The following ELFN1 variants were observed in gnomAD, a reference collection of about 807,000 sequenced individuals.
ELFN1 encodes protein ELFN1.
Under a neutral mutation model 7.6 loss-of-function variants are expected in ELFN1, and 6 were observed. The ratio of observed to expected loss-of-function variants is 0.79; its 90% CI spans 0.43 to 1.56. The LOEUF is 1.56. ELFN1 is among the 40% of genes most tolerant of loss of function. The pLI is 0.01. For synonymous variants in ELFN1, 657 were observed against 588.1 expected (o/e 1.12, Z -1.70); for missense variants, 1,169 against 1,232.2 (o/e 0.95, Z 0.77).
At chr7:1,743,492 C>T (rs1414002140) in intron 3 of ELFN1, among the ~76,000 whole-genome samples, 1 of 152,214 alleles carries the variant, frequency 6.6e-6, no homozygotes, top group Admixed American at 6.5e-5. Context: ...GCAGACAGTG[C>T]CAAGTCCCAG....
intron 3 of ELFN1, among the ~76,000 whole-genome samples, chr7:1,722,060 C>T (rs934663845): frequency 6.6e-6 from 1 of 152,104 alleles, no homozygotes; most frequent in African/African-American, 2.4e-5. Context: ...GTCAGGGGCC[C>T]GGGTGGCCCA....
chr7:1,741,273 G>A (rs879631157), intron 3 of ELFN1, among the ~76,000 whole-genome samples: 2 of 152,206 alleles, frequency 1.3e-5, no homozygotes, highest in South Asian at 2.1e-4. Flanking sequence ...CTGGGAAGTC[G>A]TGCCCACACG....
Position 1,746,385 on chromosome 7 carries a change from C to T in ELFN1, c.1789C>T (p.Pro597Ser). ...GGGGCCCGTGTCCGTCGCGGAGCCG[C>T]CGCTGGTGCTGCTGTCCGAGCCGCT... ...KSGPVSVAEPPLVLLSEPLAA... is the reference protein window; with the variant it reads ...KSGPVSVAEPSLVLLSEPLAA... Residue 597 changes from proline (P) to serine (S), a missense_variant, in exon 4 of 4, where the codon CCG becomes TCG. This residue lies in a region of ELFN1 where 914 missense variants were observed against 872.6 expected (regional missense o/e 1.05). Coordinates refer to ENST00000424383, the MANE Select transcript of ELFN1 (RefSeq NM_001128636.4). 1.3e-6 allele frequency: 2 copies of T among 1,536,518 alleles called. No individual in the cohort carries two copies. The highest frequency in any genetic ancestry group is 1.8e-6 in the Non-Finnish European group (2 of 1,142,170).
In ELFN1 at chr7:1,745,375, T is replaced by C. The variant is rs1352677654; in HGVS notation, c.779T>C (p.Val260Ala). The change falls in exon 4 of 4, where the codon GTC becomes GCC. Residue 260 changes from valine (V) to alanine (A), a missense_variant. Val to Ala is a moderately conservative substitution (Grantham distance 64). Around this residue, in one of 2 missense-constraint regions of ELFN1, gnomAD observed 914 missense variants for 872.6 expected, o/e 1.05. Coordinates refer to ENST00000424383, the MANE Select transcript of ELFN1 (RefSeq NM_001128636.4). ...GAGGACTCGTACGCGGCTGAGGTGG[T>C]CGGGCCCCCACGTCCAGCATCCGGG... Reference protein sequence around the residue: ...CTEDSYAAEVVGPPRPASGRS... With the variant: ...CTEDSYAAEVAGPPRPASGRS... The C allele has an allele frequency of 5.2e-6, 8 of 1,538,874 alleles. No individual in the cohort carries two copies. Among genetic ancestry groups the C allele is most frequent in the Non-Finnish European group, 6.1e-6 (7 of 1,145,894 alleles).
chr7:1,717,587 G>T (rs1223147078), intron 3 of ELFN1, among the ~76,000 whole-genome samples: 1 of 152,184 alleles, frequency 6.6e-6, no homozygotes, highest in Non-Finnish European at 1.5e-5. Flanking sequence ...GTGGTTCATG[G>T]GGGAGCCTGA....
intron 2 of ELFN1, among the ~76,000 whole-genome samples, chr7:1,699,256 G>A (rs999418845): frequency 3.3e-5 from 5 of 152,122 alleles, no homozygotes; most frequent in Admixed American, 2.0e-4. Context: ...GCACTTCCCC[G>A]CACATGTGTT....
chr7:1,670,395 T>G lies in ELFN1; in HGVS notation c.-549+41T>G, dbSNP rs192206400. Among the ~76,000 whole-genome samples the G allele has an allele frequency of 0.02, 3,027 of 151,068 alleles. 46 individuals carry two copies. Among genetic ancestry groups the G allele is most frequent in the Non-Finnish European group, 0.03 (2,005 of 67,688 alleles). ...GGCCGGGCGCTGAACCTGGGGGACTTGGGACCCGGACCACCCCCGGGGAGC... is the reference window on the plus strand; with the variant it reads ...GGCCGGGCGCTGAACCTGGGGGACTGGGGACCCGGACCACCCCCGGGGAGC... On this transcript the variant is annotated intron_variant, in intron 1 of 3. Coordinates refer to ENST00000424383, the MANE Select transcript of ELFN1 (RefSeq NM_001128636.4). This position sits in a 1 kb window ranked among gnomAD's most constrained non-coding sequence, Gnocchi z 6.4.
intron 3 of ELFN1, among the ~76,000 whole-genome samples, chr7:1,734,360 C>T (rs111279332): frequency 0.13 from 20,482 of 152,260 alleles, 4,313 homozygotes; most frequent in African/African-American, 0.45. Context: ...AACGGCGCCA[C>T]ACATCATGTT....
chr7:1,675,465 C>T (rs904930934), intron 1 of ELFN1, among the ~76,000 whole-genome samples: 3 of 152,258 alleles, frequency 2.0e-5, no homozygotes, highest in Non-Finnish European at 4.4e-5. Flanking sequence ...CTGGAGGCTC[C>T]CCCGTGTTTA....
chr7:1,744,329 A>C lies in ELFN1; in HGVS notation c.-268A>C, dbSNP rs1284977721. 1 of 453,518 alleles carries C rather than the reference A, an allele frequency of 2.2e-6. No individual in the cohort carries two copies. The highest frequency in any genetic ancestry group is 3.7e-5 in the East Asian group (1 of 27,094). 28.1% of individuals were successfully genotyped at this position (453,518 alleles called of 1,614,324 possible). On this transcript the variant is annotated 5_prime_UTR_variant, in exon 4 of 4. Coordinates refer to ENST00000424383, the MANE Select transcript of ELFN1 (RefSeq NM_001128636.4). The stretch of plus-strand genomic sequence containing the variant: ...CAGGAACGTCGGAGCAGGAGGAGTC[A>C]GTGGAGCCATCAGGACACCCAGGCC...
At chr7:1,729,291 C>T (rs1301461657) in intron 3 of ELFN1, among the ~76,000 whole-genome samples, 1 of 152,250 alleles carries the variant, frequency 6.6e-6, no homozygotes, top group South Asian at 2.1e-4. Flanking sequence ...TGATCCTCCA[C>T]TGTCCCACAA....
At chr7:1,721,016 C>T (rs1183069188) in intron 3 of ELFN1, among the ~76,000 whole-genome samples, 1 of 152,196 alleles carries the variant, frequency 6.6e-6, no homozygotes, top group Admixed American at 6.5e-5. Flanking sequence ...AGAAGACTTT[C>T]CACGTCATGG....
rs1381289271 is a variant in ELFN1 at position 1,673,305 on chromosome 7, G to C, written c.-549+2951G>C. On this transcript the variant is annotated intron_variant, in intron 1 of 3. Coordinates refer to ENST00000424383, the MANE Select transcript of ELFN1 (RefSeq NM_001128636.4). The surrounding 1 kb of genome is among the most constrained non-coding windows in gnomAD (Gnocchi z 4.7). ...GGAGAGGGTGGTGGAGGGGTCCTAT[G>C]TCTGGCGTCTGTGTCCTGTTGTGTT... Among the ~76,000 whole-genome samples the C allele has an allele frequency of 6.6e-6, 1 of 152,154 alleles. No homozygotes were observed. The highest frequency in any genetic ancestry group is 6.5e-5 in the Admixed American group (1 of 15,278).
chr7:1,686,020 A>G (rs12667167), intron 1 of ELFN1, among the ~76,000 whole-genome samples: 20,858 of 148,578 alleles, frequency 0.14, 1,594 homozygotes, highest in African/African-American at 0.21. Context: ...TCTTTGTTAT[A>G]TCTAACATCT....
At position 1,746,923 on chromosome 7, in the gene ELFN1, T is replaced by C. The variant is rs1336366750; in HGVS notation, c.2327T>C (p.Ile776Thr). ...TACACCTGCCGGGCCTCCCAGAGCA[T>C]CTGGGAGCGCTTCAGACTGAGCCGC... Reference protein sequence around the residue: ...PEYTCRASQSIWERFRLSRRR... With the variant: ...PEYTCRASQSTWERFRLSRRR... Residue 776 changes from isoleucine to threonine, a missense_variant, in exon 4 of 4, where the codon ATC becomes ACC. Around this residue, in one of 2 missense-constraint regions of ELFN1, gnomAD observed 914 missense variants for 872.6 expected, o/e 1.05. Transcript: ENST00000424383. 6.5e-7 allele frequency: 1 copy of C among 1,549,106 alleles called. No individual in the cohort carries two copies. The highest frequency in any genetic ancestry group is 8.7e-7 in the Non-Finnish European group (1 of 1,146,410).
At chr7:1,701,136 T>C (rs1400740861) in intron 2 of ELFN1, among the ~76,000 whole-genome samples, 2 of 149,902 alleles carry the variant, frequency 1.3e-5, no homozygotes, top group African/African-American at 5.0e-5. Context: ...TGTGTGTGCA[T>C]GTGTGTGTGT....
chr7:1,686,903 T>G (rs1012503717), intron 1 of ELFN1, among the ~76,000 whole-genome samples: 2 of 152,152 alleles, frequency 1.3e-5, no homozygotes, highest in Non-Finnish European at 2.9e-5. Flanking sequence ...ACTGGTGTAT[T>G]GCTGCCCCAG....
intron 2 of ELFN1, chr7:1,692,779 G>A (rs761176142): frequency 7.0e-5 from 11 of 156,622 alleles, no homozygotes; most frequent in Non-Finnish European, 1.4e-4. Context: ...GTTACCTTAC[G>A]TCTCTGAGCT....
intron 1 of ELFN1, among the ~76,000 whole-genome samples, chr7:1,686,468 A>T (rs905407666): frequency 2.6e-5 from 4 of 151,858 alleles, no homozygotes; most frequent in Non-Finnish European, 2.9e-5. Context: ...ACATGTCACC[A>T]TTCCTGGCTT....
Sources: allele counts gnomAD v4.1 joint callset (sites outside exome capture counted in the v4.1 genomes callset), GRCh38; gene constraint gnomAD v4.1.1; regional missense constraint gnomAD v4.1.1; non-coding constraint Gnocchi (gnomAD v3.1); transcripts MANE v1.5; gene names NCBI Gene and HGNC (gene_info 2026-07-23, HGNC 2026-07-21).